Variants in MYH6 observed in about 807,000 individuals in gnomAD.
The protein encoded by MYH6 is myosin heavy chain 6.
A neutral mutation model predicts 223.2 loss-of-function variants in MYH6; 126 were observed. The ratio of observed to expected loss-of-function variants is 0.56; its 90% confidence interval spans 0.49 to 0.65. MYH6 has a LOEUF of 0.65. Ranked by LOEUF, MYH6 falls within the 30% of genes least tolerant of loss-of-function variation. MYH6 has a pLI of 0.00. For synonymous variants in MYH6, 978 were observed against 1,010.2 expected, an observed-to-expected ratio of 0.97 and a Z score of 0.61; for missense variants, 2,040 against 2,536.4, an observed-to-expected ratio of 0.80 and a Z score of 4.20.
Position 23,394,337 on chromosome 14 carries a change from G to C in MYH6, c.2430-14C>G, listed in dbSNP as rs190342289. 1 of 1,614,008 alleles carries C rather than the reference G, an allele frequency of 6.2e-7. No individual in the cohort carries two copies. The highest frequency in any genetic ancestry group is 1.1e-5 in the South Asian group (1 of 91,092). On this transcript the variant is annotated splice_polypyrimidine_tract_variant and intron_variant, in intron 20 of 38. Transcript: ENST00000405093. Reference sequence around the variant, plus strand: ...AGCAGGGCATCCCTGGCAAGGAAACGTGGAGGCAGGGTGGGGCACTATAAA... The same window carrying C: ...AGCAGGGCATCCCTGGCAAGGAAACCTGGAGGCAGGGTGGGGCACTATAAA...
chr14:23,383,339 G>GCCCCCCCCCCCC lies in MYH6; in HGVS notation c.5566-20_5566-19insGGGGGGGGGGGG. On this transcript the variant is annotated intron_variant, in intron 36 of 38. Transcript: ENST00000405093. The stretch of plus-strand genomic sequence containing the variant: ...CCTCTGTCTGGGGGTGGGAGGGTGG[G>GCCCCCCCCCCCC]AGAAGCTGGTTTGGAGGGGGAGCAA... 2.8e-5 allele frequency: 3 copies of GCCCCCCCCCCCC among 108,192 alleles called. No homozygotes were observed. The highest frequency in any genetic ancestry group is 5.5e-5 in the Non-Finnish European group (3 of 54,376). The allele number at this position is 108,192 out of a possible 1,614,324, so 6.7% of individuals were successfully genotyped here.
Position 23,382,343 on chromosome 14 carries a change from C to T in MYH6, c.5796+85G>A, listed in dbSNP as rs1052874816. The T allele has an allele frequency of 6.9e-6, 11 of 1,590,522 alleles. No homozygotes were observed. In the South Asian group the frequency reaches 1.2e-4, roughly 18 times the overall value. On this transcript the variant is annotated intron_variant, in intron 38 of 38. Coordinates refer to ENST00000405093, the MANE Select transcript of MYH6 (RefSeq NM_002471.4). ...CCCTCAGAACTGCCTACATATAGGGCAAGCAGTGCCCACTCTGAAGGGCAC... is the reference window on the plus strand; with the variant it reads ...CCCTCAGAACTGCCTACATATAGGGTAAGCAGTGCCCACTCTGAAGGGCAC...
chr14:23,407,030 T>C lies in MYH6; in HGVS notation c.194A>G (p.Asn65Ser), dbSNP rs1566517347. The C allele has an allele frequency of 6.2e-7, 1 of 1,614,078 alleles. No homozygotes were observed. The highest frequency in any genetic ancestry group is 1.3e-5 in the African/African-American group (1 of 75,040). ...EGGKVIAETE[N>S]GKTVTVKEDQ... ...GCGCCATGCCCTACTCACCTTCCCA[T>C]TCTCGGTTTCAGCAATGACCTTGCC... is the stretch of plus-strand genomic sequence containing the variant. The change falls in exon 3 of 39, where the codon AAT becomes AGT. Residue 65 changes from asparagine to serine, a missense_variant. Coordinates refer to ENST00000405093, the MANE Select transcript of MYH6 (RefSeq NM_002471.4). The surrounding 1 kb of genome is among the most constrained non-coding windows in gnomAD (Gnocchi z 5.6).
In MYH6 at chr14:23,389,072, G is replaced by GGGGGGGGGGGGGGCC; in HGVS notation, c.3979-18_3979-17insGGCCCCCCCCCCCCC. 8.8e-7 allele frequency: 1 copy of GGGGGGGGGGGGGGCC among 1,135,150 alleles called. No individual in the cohort carries two copies. Among genetic ancestry groups the GGGGGGGGGGGGGGCC allele is most frequent in the Non-Finnish European group, 1.3e-6 (1 of 774,138 alleles). The allele number at this position is 1,135,150 out of a possible 1,614,324, so 70.3% of individuals were successfully genotyped here. On this transcript the variant is annotated splice_polypyrimidine_tract_variant and intron_variant, in intron 28 of 38. Transcript: ENST00000405093. ...GTTCTTCGCCTGGGGAGGGGGGGGG[G>GGGGGGGGGGGGGGCC]CACCAGGAGGTGGGAGGGACTCCCT...
At chr14:23,388,525 C>A in intron 29 of MYH6, 187 bp from the exon 30 acceptor site, 1 of 994,988 alleles carries the variant, frequency 1.0e-6, no homozygotes. Context: ...TCCTCCCTAC[C>A]TGCAGTGGCA....
At position 23,386,217 on chromosome 14, in the gene MYH6, C is replaced by T. The variant is rs45520434; in HGVS notation, c.4960-86G>A. ...CCTGTCAGAGGTCCCTGCAGTAACC[C>T]AGGGGCAGGAGGAATCTGGTGCCTG... is the stretch of plus-strand genomic sequence containing the variant. On this transcript the variant is annotated intron_variant, in intron 33 of 38. Transcript: ENST00000405093. The T allele has an allele frequency of 0.11, 178,390 of 1,612,074 alleles. 10,895 individuals are homozygous for T. The highest frequency in any genetic ancestry group is 0.15 in the African/African-American group (11,078 of 74,968).
intron 16 of MYH6, 90 bp downstream of exon 16, chr14:23,397,453 A>G: frequency 6.7e-7 from 1 of 1,489,230 alleles, no homozygotes; most frequent in Non-Finnish European, 9.4e-7. Flanking sequence ...TTTCCTCATC[A>G]AACTCAAGCA....
rs397516762 is a variant in MYH6, at chr14:23,390,170, C to T, written c.3619G>A (p.Glu1207Lys). Reference protein sequence around the residue: ...KHADSVAELGEQIDNLQRVKQ... With the variant: ...KHADSVAELGKQIDNLQRVKQ... ...ACCCGCTGCAGGTTGTCGATCTGCT[C>T]GCCCAGCTCGGCCACGCTGTCGGCG... Residue 1207 changes from glutamate to lysine, a missense_variant, in exon 26 of 39, where the codon GAG (glutamate) becomes AAG (lysine). By Grantham distance (56) the Glu-to-Lys change is moderately conservative. Transcript: ENST00000405093. 8.8e-5 allele frequency: 141 copies of T among 1,608,330 alleles called. No individual in the cohort carries two copies. Among genetic ancestry groups the T allele is most frequent in the Non-Finnish European group, 1.1e-4 (128 of 1,177,000 alleles).
chr14:23,395,457 C>G (rs1566510850), intron 20 of MYH6, among the ~76,000 whole-genome samples: 2 of 152,086 alleles, frequency 1.3e-5, no homozygotes, highest in African/African-American at 2.4e-5. Context: ...TTTTTCATGT[C>G]ATGGTGTACA....
intron 38 of MYH6, among the ~76,000 whole-genome samples, 165 bp downstream of exon 38, chr14:23,382,263 G>C (rs1890883967): frequency 6.6e-6 from 1 of 152,148 alleles, no homozygotes; most frequent in East Asian, 1.9e-4. Flanking sequence ...GTTCCAGTCA[G>C]TGGGGGGCTG....
Position 23,389,072 on chromosome 14 carries a change from G to GCCCCCCC in MYH6, c.3979-18_3979-17insGGGGGGG. ...GTTCTTCGCCTGGGGAGGGGGGGGG[G>GCCCCCCC]CACCAGGAGGTGGGAGGGACTCCCT... On this transcript the variant is annotated splice_polypyrimidine_tract_variant and intron_variant, in intron 28 of 38. Transcript: ENST00000405093. The GCCCCCCC allele has an allele frequency of 8.8e-7, 1 of 1,135,182 alleles. No homozygotes were observed. The highest frequency in any genetic ancestry group is 1.3e-6 in the Non-Finnish European group (1 of 774,162). The allele number at this position is 1,135,182 out of a possible 1,614,324, so 70.3% of individuals were successfully genotyped here.
rs200884672 is a variant in MYH6, at chr14:23,386,089, C to G, written c.5002G>C (p.Asp1668His). 5 of 1,614,232 alleles carry G rather than the reference C, an allele frequency of 3.1e-6. No homozygotes were observed. Among genetic ancestry groups the G allele is most frequent in the Non-Finnish European group, 4.2e-6 (5 of 1,180,040 alleles). ...QLDDAVRANDDLKENIAIVER... is the reference protein window; with the variant it reads ...QLDDAVRANDHLKENIAIVER... ...ACGATGGCGATGTTCTCCTTCAGGTCGTCGTTGGCACGGACCGCATCGTCC... is the reference window on the plus strand; with the variant it reads ...ACGATGGCGATGTTCTCCTTCAGGTGGTCGTTGGCACGGACCGCATCGTCC... The change falls in exon 34 of 39, where the codon GAC (aspartate) becomes CAC (histidine). Residue 1668 changes from aspartate (D) to histidine (H), a missense_variant. Asp to His is a moderately conservative substitution (Grantham distance 81, BLOSUM62 -1). This residue lies in a region of MYH6 where 1,203 missense variants were observed against 1,400.2 expected (regional missense o/e 0.86). Coordinates refer to ENST00000405093, the MANE Select transcript of MYH6 (RefSeq NM_002471.4).
In MYH6 at chr14:23,405,501, G is replaced by T; in HGVS notation, c.346-122C>A. 1.3e-6 allele frequency: 2 copies of T among 1,595,048 alleles called. No homozygotes were observed. The highest frequency in any genetic ancestry group is 8.6e-7 in the Non-Finnish European group (1 of 1,166,494). On this transcript the variant is annotated intron_variant, in intron 4 of 38. Coordinates refer to ENST00000405093, the MANE Select transcript of MYH6 (RefSeq NM_002471.4). The surrounding 1 kb of genome is among the most constrained non-coding windows in gnomAD (Gnocchi z 4.7). ...TCTACTCCTCCTGCAGCTGACTAGG[G>T]GTGGAGGGGGGAAGGGGACTTGGGT...
At position 23,384,542 on chromosome 14, in the gene MYH6, C is replaced by T. The variant is rs1298835458; in HGVS notation, c.5465G>A (p.Arg1822Gln). Residue 1822 changes from arginine to glutamine, a missense_variant, in exon 36 of 39, where the codon CGG (arginine) becomes CAG (glutamine). Coordinates refer to ENST00000405093, the MANE Select transcript of MYH6 (RefSeq NM_002471.4). ...KQLQKLEARVRELEGELEAEQ... is the reference protein window; with the variant it reads ...KQLQKLEARVQELEGELEAEQ... The stretch of plus-strand genomic sequence containing the variant: ...GGCCTCCAGCTCACCCTCCAGCTCC[C>T]GCACCCGCGCTTCCAGCTTCTGCAG... 1.1e-5 allele frequency: 18 copies of T among 1,613,434 alleles called. No homozygotes were observed. The highest frequency in any genetic ancestry group is 3.3e-5 in the Admixed American group (2 of 60,022).
chr14:23,401,494 A>T (rs1891600547), intron 12 of MYH6, among the ~76,000 whole-genome samples: 1 of 152,248 alleles, frequency 6.6e-6, no homozygotes, highest in South Asian at 2.1e-4. Flanking sequence ...TATCCGGCCC[A>T]TGGCCTCTTG....
chr14:23,405,816 C>G lies in MYH6; in HGVS notation c.202-46G>C. ...GGAGGATGAGTGACCACAATCCCTC[C>G]GGGACCCTTGCCAGCACTGCCCACT... On this transcript the variant is annotated intron_variant, in intron 3 of 38. Coordinates refer to ENST00000405093, the MANE Select transcript of MYH6 (RefSeq NM_002471.4). The surrounding 1 kb of genome is among the most constrained non-coding windows in gnomAD (Gnocchi z 4.7). The G allele has an allele frequency of 6.2e-7, 1 of 1,613,614 alleles. No individual in the cohort carries two copies. Among genetic ancestry groups the G allele is most frequent in the Non-Finnish European group, 8.5e-7 (1 of 1,179,658 alleles).
At chr14:23,386,773 C>G (rs1891040827) in intron 32 of MYH6, 150 bp from the exon 33 acceptor site, 7 of 986,884 alleles carry the variant, frequency 7.1e-6, no homozygotes, top group Non-Finnish European at 1.0e-5. Context: ...CCCATGCCCA[C>G]CACGGTGCTA....
In MYH6 at chr14:23,404,300, C is replaced by A; in HGVS notation, c.731G>T (p.Arg244Leu). 6.2e-7 allele frequency: 1 copy of A among 1,614,238 alleles called. No individual in the cohort carries two copies. The highest frequency in any genetic ancestry group is 8.5e-7 in the Non-Finnish European group (1 of 1,180,036). ...AKTVRNDNSSRFGKFIRIHFG... is the reference protein window; with the variant it reads ...AKTVRNDNSSLFGKFIRIHFG... ...GGAGTGGTCAAAGGCACTCACAAAG[C>A]GGGAGGAGTTGTCGTTCCGGACAGT... Residue 244 changes from arginine (R) to leucine (L), a missense_variant, in exon 8 of 39, where the codon CGC becomes CTC. This residue lies in a region of MYH6 where 649 missense variants were observed against 877.3 expected (regional missense o/e 0.74). Transcript: ENST00000405093.
At chr14:23,397,318 C>A (rs887101165) in intron 16 of MYH6, 61 bp from the exon 17 acceptor site, 2 of 1,504,596 alleles carry the variant, frequency 1.3e-6, no homozygotes, top group African/African-American at 2.8e-5. Context: ...GGCCCTTAAA[C>A]CCTGGTCCCC....
Sources: allele counts gnomAD v4.1 joint callset (sites outside exome capture counted in the v4.1 genomes callset), GRCh38; gene constraint gnomAD v4.1.1; regional missense constraint gnomAD v4.1.1; non-coding constraint Gnocchi (gnomAD v3.1); transcripts MANE v1.5; gene names NCBI Gene and HGNC (gene_info 2026-07-23, HGNC 2026-07-21).